The following PAPPA2 variants were observed in gnomAD, a reference collection of about 807,000 sequenced individuals.
The protein encoded by PAPPA2 is pappalysin-2.
In PAPPA2, 86 loss-of-function variants were observed where a neutral mutation model predicts 176.4. That is an observed-to-expected ratio of 0.49 (90% CI 0.41 to 0.58). PAPPA2 has a LOEUF of 0.58. Ranked by LOEUF, PAPPA2 falls within the 20% of genes least tolerant of loss-of-function variation. The pLI is 0.00. For missense variants in PAPPA2, 2,073 were observed against 2,256.9 expected, an observed-to-expected ratio of 0.92 and a Z score of 1.65; for synonymous variants, 809 against 852.2, an observed-to-expected ratio of 0.95 and a Z score of 0.88.
chr1:176,779,517 CACAG>C (rs1176616156), intron 17 of PAPPA2, among the ~76,000 whole-genome samples: 1,626 of 109,632 alleles, frequency 0.015, 29 homozygotes, highest in African/African-American at 0.039. Flanking sequence ...CACACACACA[CACAG>C]AGAGAGAGAG....
At chr1:176,676,983 C>T (rs1226990809) in intron 4 of PAPPA2, among the ~76,000 whole-genome samples, 3 of 152,090 alleles carry the variant, frequency 2.0e-5, no homozygotes, top group Admixed American at 2.0e-4. Flanking sequence ...ATTCTTAATC[C>T]TTTGAGAAAT....
At position 176,699,111 on chromosome 1, in the gene PAPPA2, G is replaced by A; in HGVS notation, c.2758G>A (p.Val920Met). ...TPEEAVGPPD[V>M]DQPCEPSLQA... ...TAATCTCCCCCCAGGGCCTCCTGAT[G>A]TGGATCAGCCCTGCGAGCCAAGCTT... Residue 920 changes from valine to methionine, a missense_variant, in exon 8 of 23, where the codon GTG (valine) becomes ATG (methionine). Physicochemically the swap from Val to Met is conservative, Grantham distance 21. Around this residue, in one of 4 missense-constraint regions of PAPPA2, gnomAD observed 1,196 missense variants for 1,330.4 expected, o/e 0.90. Transcript: ENST00000367662. 3 of 1,611,386 alleles carry A rather than the reference G, an allele frequency of 1.9e-6. No homozygotes were observed. The highest frequency in any genetic ancestry group is 2.5e-6 in the Non-Finnish European group (3 of 1,178,078).
rs1338093928 is a variant in PAPPA2 at position 176,791,395 on chromosome 1, T to C, written c.4933T>C (p.Leu1645=). ...GGGCCTGTGGACCCAGGAGTTTAAG[T>C]TGTGTGAGAATCTGCAAGGAGAATG... ...KEGLWTQEFK[L]CENLQGECPP... is the part of the protein sequence containing the mutation. The change falls in exon 19 of 23, where the codon TTG becomes CTG. Residue 1645 remains leucine (L), a synonymous_variant. Coordinates refer to ENST00000367662, the MANE Select transcript of PAPPA2 (RefSeq NM_020318.3). The C allele has an allele frequency of 4.3e-6, 7 of 1,612,534 alleles. No individual in the cohort carries two copies. Among genetic ancestry groups the C allele is most frequent in the East Asian group, 2.2e-5 (1 of 44,846 alleles).
At chr1:176,666,561 A>ATGTGTG (rs139660279) in intron 3 of PAPPA2, among the ~76,000 whole-genome samples, 130 of 109,526 alleles carry the variant, frequency 1.2e-3, no homozygotes, top group East Asian at 2.5e-3. Flanking sequence ...GTAAATATAT[A>ATGTGTG]TGTGTGTGTG....
chr1:176,690,002 G>C, intron 4 of PAPPA2, 135 bp from the exon 5 acceptor site: 1 of 774,778 alleles, frequency 1.3e-6, no homozygotes, highest in East Asian at 2.6e-5. Flanking sequence ...AGCAATGACT[G>C]TATGTTACCA....
intron 21 of PAPPA2, among the ~76,000 whole-genome samples, chr1:176,835,473 C>T (rs1667236871): frequency 6.6e-6 from 1 of 152,118 alleles, no homozygotes; most frequent in Non-Finnish European, 1.5e-5. Flanking sequence ...TGAAAGGGTT[C>T]CCTTTCCTCC....
chr1:176,673,363 G>A (rs899639905), intron 4 of PAPPA2, among the ~76,000 whole-genome samples: 1 of 152,012 alleles, frequency 6.6e-6, no homozygotes, highest in Non-Finnish European at 1.5e-5. Context: ...TTTGAGTTAT[G>A]CTAATCAAAA....
At chr1:176,487,180 T>C (rs1033507948) in intron 1 of PAPPA2, among the ~76,000 whole-genome samples, 1 of 149,438 alleles carries the variant, frequency 6.7e-6, no homozygotes, top group Non-Finnish European at 1.5e-5. Flanking sequence ...AAATAAGCAA[T>C]TCTAAAAAGG....
intron 1 of PAPPA2, among the ~76,000 whole-genome samples, chr1:176,477,088 C>CA (rs780455080): frequency 2.2e-4 from 33 of 152,176 alleles, no homozygotes; most frequent in Admixed American, 2.2e-3. Context: ...CTTTCAATCT[C>CA]ATCTAACTGC....
intron 1 of PAPPA2, among the ~76,000 whole-genome samples, chr1:176,487,022 CA>C (rs1246343204): frequency 6.6e-6 from 1 of 152,026 alleles, no homozygotes; most frequent in Non-Finnish European, 1.5e-5. Context: ...AAAACATGGC[CA>C]AAAGGGCCTC....
intron 2 of PAPPA2, among the ~76,000 whole-genome samples, chr1:176,558,567 G>T (rs930896864): frequency 1.2e-4 from 18 of 152,222 alleles, no homozygotes; most frequent in Admixed American, 5.9e-4. Context: ...TTATTTTTGG[G>T]TGGGAGAGGG....
intron 4 of PAPPA2, among the ~76,000 whole-genome samples, chr1:176,680,660 TGA>T (rs1659542212): frequency 1.3e-5 from 2 of 152,052 alleles, no homozygotes; most frequent in South Asian, 4.2e-4. Flanking sequence ...GCTTCTCAGT[TGA>T]GTTATCATTT....
At chr1:176,484,762 T>G (rs11802207) in intron 1 of PAPPA2, among the ~76,000 whole-genome samples, 12,109 of 152,276 alleles carry the variant, frequency 0.08, 597 homozygotes, top group South Asian at 0.16. Flanking sequence ...ATGTCATCTG[T>G]TTTATCCATT....
At chr1:176,575,193 G>A (rs890897912) in intron 2 of PAPPA2, among the ~76,000 whole-genome samples, 1 of 152,120 alleles carries the variant, frequency 6.6e-6, no homozygotes, top group African/African-American at 2.4e-5. Context: ...GTTCTTTGCA[G>A]CTGTGGGCTT....
Position 176,835,698 on chromosome 1 carries a change from T to C in PAPPA2, c.5203-4475T>C, listed in dbSNP as rs1667245960. 3.3e-5 allele frequency among the ~76,000 whole-genome samples: 5 copies of C among 152,190 alleles called. No individual in the cohort carries two copies. The South Asian group carries it at 1.0e-3, about 32-fold the overall frequency. On this transcript the variant is annotated intron_variant, in intron 21 of 22. Transcript: ENST00000367662. ...CCACGCCCGGCTAGTTTTGTATTTT[T>C]AGTAGAGAGGGATTTCTCCATGTTT...
rs181318990 is a variant in PAPPA2, at chr1:176,693,452, G to A, written c.2624+1134G>A. 1.4e-3 allele frequency among the ~76,000 whole-genome samples: 219 copies of A among 152,320 alleles called. 1 individual carries two copies. Among genetic ancestry groups the A allele is most frequent in the Non-Finnish European group, 2.5e-3 (170 of 68,030 alleles). The stretch of plus-strand genomic sequence containing the variant: ...TTTTAATTTAGAGCATTCTTATTTA[G>A]CACATCTCTTCTTTGCACCACACTT... On this transcript the variant is annotated intron_variant, in intron 6 of 22. Coordinates refer to ENST00000367662, the MANE Select transcript of PAPPA2 (RefSeq NM_020318.3).
rs746466947 is a variant in PAPPA2, at chr1:176,491,621, T to A, written c.-917+28203T>A. On this transcript the variant is annotated intron_variant, in intron 1 of 22. Coordinates refer to ENST00000367662, the MANE Select transcript of PAPPA2 (RefSeq NM_020318.3). ...AAGGAAGTTATTTGAATTGATAAGATGTATACATGAGAAAAATAAACATTG... is the reference window on the plus strand; with the variant it reads ...AAGGAAGTTATTTGAATTGATAAGAAGTATACATGAGAAAAATAAACATTG... Among the ~76,000 whole-genome samples, 3 of 152,318 alleles carry A rather than the reference T, an allele frequency of 2.0e-5. No homozygotes were observed. In the Middle Eastern group the frequency reaches 0.01, roughly 518 times the overall value.
At chr1:176,656,421 C>T (rs1658033882) in intron 3 of PAPPA2, among the ~76,000 whole-genome samples, 1 of 151,850 alleles carries the variant, frequency 6.6e-6, no homozygotes, top group African/African-American at 2.4e-5. Flanking sequence ...CTGTCTTTGA[C>T]AACTCTTTGT....
At chr1:176,487,333 T>C (rs1652692363) in intron 1 of PAPPA2, among the ~76,000 whole-genome samples, 3 of 152,114 alleles carry the variant, frequency 2.0e-5, no homozygotes. Context: ...CTTCCAAATC[T>C]CCACATCTTC....
Sources: allele counts gnomAD v4.1 joint callset (sites outside exome capture counted in the v4.1 genomes callset), GRCh38; gene constraint gnomAD v4.1.1; regional missense constraint gnomAD v4.1.1; transcripts MANE v1.5; gene names NCBI Gene and HGNC (gene_info 2026-07-23, HGNC 2026-07-21).